Variants in FTSJ3 observed in about 807,000 individuals in gnomAD.
FTSJ3 encodes the protein FtsJ RNA 2'-O-methyltransferase 3, also known as pre-rRNA 2'-O-ribose RNA methyltransferase FTSJ3.
FTSJ3 carries 46 observed loss-of-function variants against 111.5 expected under a neutral mutation model. That is an observed-to-expected ratio of 0.41 (90% CI 0.33 to 0.53). The LOEUF (loss-of-function observed/expected upper bound fraction) is 0.53. Ranked by LOEUF, FTSJ3 falls within the 20% of genes least tolerant of loss-of-function variation. FTSJ3 has a pLI of 0.19. For missense variants in FTSJ3, 1,075 were observed against 1,063.8 expected, an observed-to-expected ratio of 1.01 and a Z score of -0.15; for synonymous variants, 408 against 383.0, an observed-to-expected ratio of 1.07 and a Z score of -0.76.
Position 63,821,661 on chromosome 17 carries a change from C to G in FTSJ3, c.1597-18G>C. On this transcript the variant is annotated intron_variant, in intron 15 of 20. Transcript: ENST00000427159. ...AAGCTGCCCTGTGATAGGAGAACATCAGCTGCCCTTCTCCCAAGGAAGACT... is the reference window on the plus strand; with the variant it reads ...AAGCTGCCCTGTGATAGGAGAACATGAGCTGCCCTTCTCCCAAGGAAGACT... 2 of 1,613,610 alleles carry G rather than the reference C, an allele frequency of 1.2e-6. No homozygotes were observed. The highest frequency in any genetic ancestry group is 1.6e-4 in the Middle Eastern group (1 of 6,062).
At position 63,819,981 on chromosome 17, in the gene FTSJ3, C is replaced by T; in HGVS notation, c.2365G>A (p.Ala789Thr). 1.2e-6 allele frequency: 2 copies of T among 1,614,144 alleles called. No individual in the cohort carries two copies. Among genetic ancestry groups the T allele is most frequent in the South Asian group, 1.1e-5 (1 of 91,082 alleles). The change falls in exon 21 of 21, where the codon GCT becomes ACT. Residue 789 changes from alanine to threonine, a missense_variant. Physicochemically the swap from Ala to Thr is moderately conservative, Grantham distance 58. Transcript: ENST00000427159. The stretch of plus-strand genomic sequence containing the variant: ...TGGCGTTTCTCCTTGCCAAGCCCAG[C>T]CTTCTTGTAGAGACTACAGGGGGGA... ...VAQLRSLYKK[A>T]GLGKEKRHVT...
rs1370873530 is a variant in FTSJ3 at position 63,824,107 on chromosome 17, G to T, written c.1131C>A (p.Ala377=). Residue 377 remains alanine (A), a synonymous_variant, in exon 12 of 21, where the codon GCC becomes GCA. Coordinates refer to ENST00000427159, the MANE Select transcript of FTSJ3 (RefSeq NM_017647.4). The stretch of plus-strand genomic sequence containing the variant: ...ACCTCTTCAATTCCGCCACCTCCTG[G>T]GCCTTCATTTCTGCCAAGGTCTGGT... ...QLNQTLAEMK[A]QEVAELKRKK... is the part of the protein sequence containing the mutation. The T allele has an allele frequency of 5.0e-6, 8 of 1,613,840 alleles. 1 individual carries two copies. The South Asian group carries it at 8.8e-5, about 18-fold the overall frequency.
Position 63,819,670 on chromosome 17 carries a change from A to C in FTSJ3, c.*132T>G, listed in dbSNP as rs1448874536. ...CAGGACCACCACGGGAGTTCTAGGC[A>C]CTCCACCTCACTGTTCTTCAGACAG... is the stretch of plus-strand genomic sequence containing the variant. On this transcript the variant is annotated 3_prime_UTR_variant, in exon 21 of 21. Coordinates refer to ENST00000427159, the MANE Select transcript of FTSJ3 (RefSeq NM_017647.4). 1 of 836,640 alleles carries C rather than the reference A, an allele frequency of 1.2e-6. No homozygotes were observed. Among genetic ancestry groups the C allele is most frequent in the Non-Finnish European group, 1.9e-6 (1 of 536,262 alleles). 51.8% of individuals were successfully genotyped at this position (836,640 alleles called of 1,614,324 possible).
In FTSJ3 at chr17:63,821,394, A is replaced by G; in HGVS notation, c.1846T>C (p.Ser616Pro). 1 of 1,613,722 alleles carries G rather than the reference A, an allele frequency of 6.2e-7. No individual in the cohort carries two copies. ...GLEGEEKDGI[S>P]DSDSSTSSEE... The stretch of plus-strand genomic sequence containing the variant: ...CTGCTAGTACTGCTATCACTGTCTG[A>G]GATGCCATCCTTTTCTTCCCCTTCA... Residue 616 changes from serine to proline, a missense_variant, in exon 16 of 21, where the codon TCA becomes CCA. Ser to Pro is a moderately conservative substitution (Grantham distance 74). Around this residue, in one of 2 missense-constraint regions of FTSJ3, gnomAD observed 867 missense variants for 796.9 expected, o/e 1.09. Transcript: ENST00000427159.
chr17:63,824,812 G>A lies in FTSJ3; in HGVS notation c.816+13C>T, dbSNP rs747949788. On this transcript the variant is annotated intron_variant, in intron 9 of 20. Coordinates refer to ENST00000427159, the MANE Select transcript of FTSJ3 (RefSeq NM_017647.4). ...CTGGGGCTACCTCATGTCCCTCAAG[G>A]CTGGAGACTCACTTCGCTGGCCTTG... 32 of 1,610,332 alleles carry A rather than the reference G, an allele frequency of 2.0e-5. No individual in the cohort carries two copies. The highest frequency in any genetic ancestry group is 2.6e-5 in the Non-Finnish European group (31 of 1,176,664).
Position 63,826,297 on chromosome 17 carries a change from C to T in FTSJ3, c.181G>A (p.Val61Ile). 1 of 1,614,146 alleles carries T rather than the reference C, an allele frequency of 6.2e-7. No homozygotes were observed. Among genetic ancestry groups the T allele is most frequent in the Non-Finnish European group, 8.5e-7 (1 of 1,179,982 alleles). Reference protein sequence around the residue: ...LCAAPGGWLQVAAKFMPVSSL... With the variant: ...LCAAPGGWLQIAAKFMPVSSL... ...GATACAGGCATAAACTTGGCAGCTA[C>T]CTGCAGCCTATAAAAGGAACAGAAA... The change falls in exon 4 of 21, where the codon GTA becomes ATA. Residue 61 changes from valine to isoleucine, a missense_variant. Val to Ile is a conservative substitution (Grantham distance 29). Coordinates refer to ENST00000427159, the MANE Select transcript of FTSJ3 (RefSeq NM_017647.4).
chr17:63,823,244 G>A (rs908777342), intron 13 of FTSJ3, among the ~76,000 whole-genome samples: 1 of 152,044 alleles, frequency 6.6e-6, no homozygotes, highest in Non-Finnish European at 1.5e-5. Flanking sequence ...TGAAACTCAA[G>A]TAACCTGGCA....
intron 14 of FTSJ3, 67 bp from the exon 15 acceptor site, chr17:63,821,910 C>T (rs1473916477): frequency 6.2e-7 from 1 of 1,613,396 alleles, no homozygotes; most frequent in Non-Finnish European, 8.5e-7. Flanking sequence ...CTGCCCTACT[C>T]AGGCTCTGGT....
At position 63,819,526 on chromosome 17, in the gene FTSJ3, C is replaced by A. The variant is rs781635894; in HGVS notation, c.*276G>T. On this transcript the variant is annotated 3_prime_UTR_variant, in exon 21 of 21. Coordinates refer to ENST00000427159, the MANE Select transcript of FTSJ3 (RefSeq NM_017647.4). ...GGTGTAGACTGACTACATTGAGTAT[C>A]GCTCCAACACCGAACTTCCCTTTAA... 11 of 383,468 alleles carry A rather than the reference C, an allele frequency of 2.9e-5. No individual in the cohort carries two copies. Among genetic ancestry groups the A allele is most frequent in the Non-Finnish European group, 4.7e-5 (10 of 212,138 alleles). 23.8% of individuals were successfully genotyped at this position (383,468 alleles called of 1,614,324 possible).
rs1567753337 is a variant in FTSJ3 at position 63,824,244 on chromosome 17, C to T, written c.999-5G>A. On this transcript the variant is annotated splice_region_variant and splice_polypyrimidine_tract_variant and intron_variant, in intron 11 of 20. Transcript: ENST00000427159. ...TCTTCCTCTCCAGAGCTGAGGCTGG[C>T]AAAACAGTCCCAAGAGTTGGGTTAT... The T allele has an allele frequency of 6.2e-7, 1 of 1,614,196 alleles. No homozygotes were observed. The highest frequency in any genetic ancestry group is 1.7e-5 in the Admixed American group (1 of 60,022).
rs544764290 is a variant in FTSJ3, at chr17:63,827,357, A to C, written c.-332T>G. On this transcript the variant is annotated 5_prime_UTR_variant, in exon 1 of 21. Coordinates refer to ENST00000427159, the MANE Select transcript of FTSJ3 (RefSeq NM_017647.4). ...CCGCCCCTCCCATCATGGTTCCCTT[A>C]GTGTGGTCTCGCCGCACACCCCGCC... The C allele has an allele frequency of 9.9e-5, 121 of 1,216,472 alleles. 1 individual carries two copies. The African/African-American group carries it at 1.8e-3, about 18-fold the overall frequency. The allele number at this position is 1,216,472 out of a possible 1,614,324, so 75.4% of individuals were successfully genotyped here. A position where few individuals can be genotyped will look rare whatever the true frequency, so the allele number is the denominator to read the frequency against.
In FTSJ3 at chr17:63,827,315, C is replaced by T; in HGVS notation, c.-290G>A. The T allele has an allele frequency of 5.3e-6, 4 of 759,330 alleles. No individual in the cohort carries two copies. Among genetic ancestry groups the T allele is most frequent in the Non-Finnish European group, 8.7e-6 (4 of 461,716 alleles). The allele number at this position is 759,330 out of a possible 1,614,324, so 47.0% of individuals were successfully genotyped here. The stretch of plus-strand genomic sequence containing the variant: ...ACTCCTTCCTCATCCCCTTCCAAAG[C>T]CCCTGAACTCGAGTAGCCGCCCCTC... On this transcript the variant is annotated 5_prime_UTR_variant, in exon 1 of 21. Coordinates refer to ENST00000427159, the MANE Select transcript of FTSJ3 (RefSeq NM_017647.4).
chr17:63,824,592 C>T, intron 10 of FTSJ3, 45 bp downstream of exon 10: 1 of 1,530,870 alleles, frequency 6.5e-7, no homozygotes, highest in Admixed American at 1.7e-5. Context: ...ATGGCCTTTC[C>T]CTGCCTCCAG....
At position 63,824,939 on chromosome 17, in the gene FTSJ3, GAA is replaced by G. The variant is rs573306847; in HGVS notation, c.712-12_712-11del. ...CAGCATAGCCTTCAGCCTTAGGAAG[GAA>G]AAGAGAGAAGCTTGGTCAGGCCCTT... On this transcript the variant is annotated splice_polypyrimidine_tract_variant and intron_variant, in intron 8 of 20. Transcript: ENST00000427159. 351 of 1,576,162 alleles carry G rather than the reference GAA, an allele frequency of 2.2e-4. 2 individuals carry two copies. In the East Asian group the frequency reaches 7.5e-3, roughly 34 times the overall value.
At chr17:63,825,212 C>T in intron 7 of FTSJ3, 30 bp downstream of exon 7, 1 of 1,613,868 alleles carries the variant, frequency 6.2e-7, no homozygotes, top group Non-Finnish European at 8.5e-7. Context: ...AGTTGGGAGC[C>T]TGGATCAAGA....
At position 63,821,767 on chromosome 17, in the gene FTSJ3, T is replaced by C. The variant is rs2144604380; in HGVS notation, c.1552A>G (p.Lys518Glu). ...GCTTGTTCTTCCTGCAGTACTGCCT[T>C]TTCCTCCAGTGGTACCAGCAGTGGA... The part of the protein sequence containing the change: ...ENPLLVPLEE[K>E]AVLQEEQANL... Residue 518 changes from lysine (K) to glutamate (E), a missense_variant, in exon 15 of 21, where the codon AAG becomes GAG. Transcript: ENST00000427159. The C allele has an allele frequency of 6.2e-7, 1 of 1,614,138 alleles. No homozygotes were observed. Among genetic ancestry groups the C allele is most frequent in the East Asian group, 2.2e-5 (1 of 44,888 alleles).
chr17:63,819,930 C>G lies in FTSJ3; in HGVS notation c.2416G>C (p.Gly806Arg), dbSNP rs201755066. 1.5e-4 allele frequency: 250 copies of G among 1,614,066 alleles called. 2 individuals carry two copies. Among genetic ancestry groups the G allele is most frequent in the Non-Finnish European group, 4.0e-5 (47 of 1,180,022 alleles). Residue 806 changes from glycine to arginine, a missense_variant, in exon 21 of 21, where the codon GGT (glycine) becomes CGT (arginine). Physicochemically the swap from Gly to Arg is moderately radical, Grantham distance 125. Transcript: ENST00000427159. ...GGCCGGCGCACTTTGCGGCCCACACCTTTTTTGGCTACAACGTAGGTGACA... is the reference window on the plus strand; with the variant it reads ...GGCCGGCGCACTTTGCGGCCCACACGTTTTTTGGCTACAACGTAGGTGACA... ...RHVTYVVAKK[G>R]VGRKVRRPAG...
At chr17:63,822,879 G>T (rs1186186234) in intron 13 of FTSJ3, among the ~76,000 whole-genome samples, 1 of 152,192 alleles carries the variant, frequency 6.6e-6, no homozygotes, top group Non-Finnish European at 1.5e-5. Flanking sequence ...AAAAACTCTA[G>T]TAGGTAGGTT....
In FTSJ3 at chr17:63,822,057, A is replaced by T; in HGVS notation, c.1402T>A (p.Ser468Thr). Reference sequence around the variant, plus strand: ...TCTGGATCCAGGTCACTATCCAGAGATGTGTCATCACCGTCGTCCTCAACA... The same window carrying T: ...TCTGGATCCAGGTCACTATCCAGAGTTGTGTCATCACCGTCGTCCTCAACA... ...SDVEDDGDDT[S>T]LDSDLDPEEL... Residue 468 changes from serine (S) to threonine (T), a missense_variant, in exon 14 of 21, where the codon TCT becomes ACT. Around this residue, in one of 2 missense-constraint regions of FTSJ3, gnomAD observed 867 missense variants for 796.9 expected, o/e 1.09. Coordinates refer to ENST00000427159, the MANE Select transcript of FTSJ3 (RefSeq NM_017647.4). 1 of 1,614,162 alleles carries T rather than the reference A, an allele frequency of 6.2e-7. No homozygotes were observed.
Sources: allele counts gnomAD v4.1 joint callset (sites outside exome capture counted in the v4.1 genomes callset), GRCh38; gene constraint gnomAD v4.1.1; regional missense constraint gnomAD v4.1.1; transcripts MANE v1.5; gene names NCBI Gene and HGNC (gene_info 2026-07-23, HGNC 2026-07-21).